The following PKIB variants were observed in gnomAD, a reference collection of about 807,000 sequenced individuals.
PKIB encodes cAMP-dependent protein kinase inhibitor beta.
PKIB carries 2 observed loss-of-function variants against 4.5 expected under a neutral mutation model. The ratio of observed to expected loss-of-function variants is 0.44; its 90% CI spans 0.18 to 1.39. PKIB has a LOEUF of 1.39. Ranked by LOEUF, PKIB falls within the 40% of genes most tolerant of loss-of-function variation. The pLI is 0.27. For synonymous variants in PKIB, 38 were observed against 36.0 expected (o/e 1.06, Z -0.20); for missense variants, 94 against 92.6 (o/e 1.02, Z -0.06).
intron 3 of PKIB, among the ~76,000 whole-genome samples, chr6:122,712,706 T>G (rs1344748492): frequency 6.6e-6 from 1 of 152,172 alleles, no homozygotes; most frequent in Non-Finnish European, 1.5e-5. Flanking sequence ...AAGTCTTAGG[T>G]ATAAAATGAG....
chr6:122,636,422 A>T (rs1310846336), intron 2 of PKIB, among the ~76,000 whole-genome samples: 2 of 152,070 alleles, frequency 1.3e-5, no homozygotes, highest in Non-Finnish European at 2.9e-5. Flanking sequence ...ACAAATAAAA[A>T]ACATTTAAAA....
intron 3 of PKIB, among the ~76,000 whole-genome samples, chr6:122,703,779 C>A (rs1223882457): frequency 6.7e-6 from 1 of 150,244 alleles, no homozygotes; most frequent in Non-Finnish European, 1.5e-5. Context: ...TACATACACA[C>A]ACATATATAT....
At chr6:122,716,027 T>C (rs1342119907) in intron 3 of PKIB, among the ~76,000 whole-genome samples, 2 of 152,134 alleles carry the variant, frequency 1.3e-5, no homozygotes, top group African/African-American at 4.8e-5. Context: ...AAAATGTTCA[T>C]GTAGTATTGA....
chr6:122,530,012 A>T (rs74645614), intron 2 of PKIB, among the ~76,000 whole-genome samples: 3,242 of 151,990 alleles, frequency 0.021, 39 homozygotes, highest in Non-Finnish European at 0.034. Context: ...TTATTTTTTC[A>T]AATAAGCTCT....
chr6:122,576,379 T>G (rs1357681219), intron 2 of PKIB, among the ~76,000 whole-genome samples: 1 of 150,948 alleles, frequency 6.6e-6, no homozygotes, highest in Non-Finnish European at 1.5e-5. Flanking sequence ...ACTTAAAATA[T>G]ATATTTTGGC....
intron 3 of PKIB, among the ~76,000 whole-genome samples, chr6:122,695,282 C>A (rs939659294): frequency 6.6e-6 from 1 of 152,008 alleles, no homozygotes; most frequent in Non-Finnish European, 1.5e-5. Context: ...TAGGATTATA[C>A]CACCAATGAG....
intron 3 of PKIB, among the ~76,000 whole-genome samples, chr6:122,586,345 C>A (rs1202807054): frequency 6.6e-6 from 1 of 152,096 alleles, no homozygotes; most frequent in Non-Finnish European, 1.5e-5. Context: ...TGATTTTTCT[C>A]ATTTTAATGT....
rs1485729914 is a variant in PKIB, at chr6:122,691,061, T to C, written c.-9+15917T>C. Among the ~76,000 whole-genome samples the C allele has an allele frequency of 2.6e-5, 4 of 151,854 alleles. No individual in the cohort carries two copies. In the East Asian group the frequency reaches 7.7e-4, roughly 29 times the overall value. On this transcript the variant is annotated intron_variant, in intron 3 of 4. Transcript: ENST00000368452. ...CTGAAAACCCTGCTGCCAGACATAT[T>C]GGTGCTCCATTATATGTTATTTGTT...
At chr6:122,702,891 T>A (rs1427986794) in intron 3 of PKIB, among the ~76,000 whole-genome samples, 1 of 152,214 alleles carries the variant, frequency 6.6e-6, no homozygotes, top group African/African-American at 2.4e-5. Context: ...TACAGTTATA[T>A]GTTAAAATAG....
At chr6:122,515,728 T>C (rs1281166763) in intron 2 of PKIB, among the ~76,000 whole-genome samples, 3 of 152,224 alleles carry the variant, frequency 2.0e-5, no homozygotes, top group African/African-American at 7.2e-5. Flanking sequence ...TTTGTTTGTT[T>C]GTTTTTGAGA....
chr6:122,680,218 G>A (rs1376236833), intron 3 of PKIB, among the ~76,000 whole-genome samples: 1 of 152,204 alleles, frequency 6.6e-6, no homozygotes, highest in Non-Finnish European at 1.5e-5. Context: ...CCAAAATACA[G>A]GGGCAATTTT....
At chr6:122,646,374 A>T (rs761943271) in intron 2 of PKIB, among the ~76,000 whole-genome samples, 1 of 152,184 alleles carries the variant, frequency 6.6e-6, no homozygotes, top group African/African-American at 2.4e-5. Flanking sequence ...AAAAAAATTG[A>T]ATAGTGACTC....
intron 2 of PKIB, among the ~76,000 whole-genome samples, chr6:122,552,974 G>T (rs1420911300): frequency 6.6e-6 from 1 of 151,976 alleles, no homozygotes; most frequent in Non-Finnish European, 1.5e-5. Context: ...AAATTCACTG[G>T]ATTTTTTTTT....
chr6:122,602,790 CA>C (rs1030973013), intron 3 of PKIB, among the ~76,000 whole-genome samples: 1 of 150,514 alleles, frequency 6.6e-6, no homozygotes, highest in Non-Finnish European at 1.5e-5. Flanking sequence ...AATGAACAAA[CA>C]AAAAAAACAA....
chr6:122,502,102 A>C (rs1421411087), intron 2 of PKIB, among the ~76,000 whole-genome samples: 1 of 151,568 alleles, frequency 6.6e-6, no homozygotes, highest in Non-Finnish European at 1.5e-5. Flanking sequence ...ACAGGCCTGC[A>C]CCACCACACC....
chr6:122,473,593 ATATAGAC>A (rs535969239), intron 1 of PKIB, among the ~76,000 whole-genome samples: 14 of 152,362 alleles, frequency 9.2e-5, no homozygotes, highest in African/African-American at 3.4e-4. Flanking sequence ...ACGACAGTAT[ATATAGAC>A]TATTTTATTC....
chr6:122,491,620 G>A (rs1195070770), intron 2 of PKIB, among the ~76,000 whole-genome samples: 1 of 152,192 alleles, frequency 6.6e-6, no homozygotes, highest in Non-Finnish European at 1.5e-5. Context: ...GCTGAAAGAT[G>A]TCTGCAGATA....
chr6:122,650,807 A>T (rs922197657), intron 2 of PKIB, among the ~76,000 whole-genome samples: 1 of 152,202 alleles, frequency 6.6e-6, no homozygotes, highest in African/African-American at 2.4e-5. Context: ...CAGGTCTTAC[A>T]TGATAAATTT....
At chr6:122,477,081 A>G (rs1439141366) in intron 1 of PKIB, among the ~76,000 whole-genome samples, 1 of 152,218 alleles carries the variant, frequency 6.6e-6, no homozygotes, top group Admixed American at 6.5e-5. Flanking sequence ...TGAACTCTAT[A>G]TCCAAAATAT....
Sources: gnomAD v4.1 joint callset for allele counts (sites outside exome capture counted in the v4.1 genomes callset) on GRCh38, gnomAD v4.1.1 for gene constraint, MANE v1.5 for transcripts, NCBI Gene and HGNC (gene_info 2026-07-23, HGNC 2026-07-21) for gene names.